Variants in RHOV observed in about 807,000 individuals in gnomAD.
RHOV encodes rho-related GTP-binding protein RhoV.
RHOV carries 6 observed loss-of-function variants against 20.2 expected under a neutral mutation model. That is an observed-to-expected ratio of 0.30 (90% CI 0.16 to 0.59). RHOV has a LOEUF of 0.59. RHOV is among the 20% of genes least tolerant of loss of function. RHOV has a pLI of 0.89. For missense variants in RHOV, 275 were observed against 319.4 expected, an observed-to-expected ratio of 0.86 and a Z score of 1.06; for synonymous variants, 136 against 142.3, an observed-to-expected ratio of 0.96 and a Z score of 0.31.
chr15:40,872,529 G>C lies in RHOV; in HGVS notation c.*529C>G, dbSNP rs538952741. On this transcript the variant is annotated 3_prime_UTR_variant, in exon 3 of 3. Transcript: ENST00000220507. ...CCCACTTCCCTCTCTCCTCCTCCTC[G>C]TCATCTTCTTTCCAGGCCTTATCCA... 3 of 153,570 alleles carry C rather than the reference G, an allele frequency of 2.0e-5. No individual in the cohort carries two copies. The highest frequency in any genetic ancestry group is 1.9e-4 in the East Asian group (1 of 5,230). 9.5% of individuals were successfully genotyped at this position (153,570 alleles called of 1,614,324 possible).
rs779073916 is a variant in RHOV, at chr15:40,873,728, C to T, written c.223G>A (p.Asp75Asn). The T allele has an allele frequency of 2.5e-6, 4 of 1,613,786 alleles. No individual in the cohort carries two copies. Among genetic ancestry groups the T allele is most frequent in the Non-Finnish European group, 3.4e-6 (4 of 1,180,024 alleles). ...LDTFSVQVLV[D>N]GAPVRIELWD... ...AGCTCAATGCGCACCGGAGCTCCAT[C>T]CACCAGGACTTGCACTGCAGGGGCG... Residue 75 changes from aspartate to asparagine, a missense_variant, in exon 2 of 3, where the codon GAT (aspartate) becomes AAT (asparagine). By Grantham distance (23) the Asp-to-Asn change is conservative. Coordinates refer to ENST00000220507, the MANE Select transcript of RHOV (RefSeq NM_133639.4).
In RHOV at chr15:40,873,682, A is replaced by T; in HGVS notation, c.267+2T>A. 6.2e-7 allele frequency: 1 copy of T among 1,613,840 alleles called. No homozygotes were observed. Among genetic ancestry groups the T allele is most frequent in the Non-Finnish European group, 8.5e-7 (1 of 1,179,926 alleles). On this transcript the variant is annotated splice_donor_variant, in intron 2 of 2. Coordinates refer to ENST00000220507, the MANE Select transcript of RHOV (RefSeq NM_133639.4). LOFTEE classifies it high-confidence loss of function. ...CAGTAGAGGCCGCGCCCAGCTTCTC[A>T]CCTGTCCCGCTGTGTCCCAGAGCTC...
At chr15:40,873,550 A>G in intron 2 of RHOV, 49 bp from the exon 3 acceptor site, 8 of 1,591,198 alleles carry the variant, frequency 5.0e-6, no homozygotes, top group Non-Finnish European at 6.0e-6. Context: ...GACACATGGA[A>G]TCCATTTCTC....
At position 40,874,161 on chromosome 15, in the gene RHOV, A is replaced by T. The variant is rs2142027606; in HGVS notation, c.-22T>A. ...GCATGGCCCGCTCCGGGGGCAGCAG[A>T]GGGGCCAGCCCGGGTCTCGGCTTCG... On this transcript the variant is annotated 5_prime_UTR_variant, in exon 1 of 3. Coordinates refer to ENST00000220507, the MANE Select transcript of RHOV (RefSeq NM_133639.4). 1 of 1,175,894 alleles carries T rather than the reference A, an allele frequency of 8.5e-7. No homozygotes were observed. The highest frequency in any genetic ancestry group is 2.3e-5 in the South Asian group (1 of 43,840). The allele number at this position is 1,175,894 out of a possible 1,614,324, so 72.8% of individuals were successfully genotyped here. A position where few individuals can be genotyped will look rare whatever the true frequency, so the allele number is the denominator to read the frequency against.
Position 40,872,917 on chromosome 15 carries a change from C to T in RHOV, c.*141G>A. The T allele has an allele frequency of 1.6e-6, 1 of 642,992 alleles. No homozygotes were observed. The highest frequency in any genetic ancestry group is 1.9e-5 in the South Asian group (1 of 53,648). The allele number at this position is 642,992 out of a possible 1,614,324, so 39.8% of individuals were successfully genotyped here. A position where few individuals can be genotyped will look rare whatever the true frequency, so the allele number is the denominator to read the frequency against. ...ATATCAGAGTGGGCAGTTAGAGGCC[C>T]ATGTCCCCCGAGTGTTCAGAAGGGA... On this transcript the variant is annotated 3_prime_UTR_variant, in exon 3 of 3. Coordinates refer to ENST00000220507, the MANE Select transcript of RHOV (RefSeq NM_133639.4).
At chr15:40,873,604 T>C (rs1891919099) in intron 2 of RHOV, 80 bp downstream of exon 2, 3 of 1,579,670 alleles carry the variant, frequency 1.9e-6, no homozygotes, top group Non-Finnish European at 2.6e-6. Flanking sequence ...CAAGGCTTTC[T>C]CCATTTGCTC....
In RHOV at chr15:40,873,230, G is replaced by T. The variant is rs1891911174; in HGVS notation, c.539C>A (p.Ala180Asp). The T allele has an allele frequency of 6.2e-7, 1 of 1,614,242 alleles. No individual in the cohort carries two copies. Among genetic ancestry groups the T allele is most frequent in the African/African-American group, 1.3e-5 (1 of 75,064 alleles). Residue 180 changes from alanine (A) to aspartate (D), a missense_variant, in exon 3 of 3, where the codon GCC becomes GAC. By Grantham distance (126) the Ala-to-Asp change is moderately radical (BLOSUM62 -2). Transcript: ENST00000220507. ...GGCTGAGCACTCAAGGTAGCAGCAG[G>T]CTCGGATCTTCTCGGCCAGACCCTG... ...QAQGLAEKIR[A>D]CCYLECSALT... is the part of the protein sequence containing the mutation.
At position 40,874,022 on chromosome 15, in the gene RHOV, C is replaced by T. The variant is rs1466395608; in HGVS notation, c.118G>A (p.Gly40Ser). 3 of 1,602,118 alleles carry T rather than the reference C, an allele frequency of 1.9e-6. No individual in the cohort carries two copies. Among genetic ancestry groups the T allele is most frequent in the East Asian group, 2.3e-5 (1 of 43,792 alleles). ...ATGAGGCTGCTCTTGCCCACGGCGC[C>T]GTCGCCCACCAGCACGCACTTGATG... The part of the protein sequence containing the change: ...LGIKCVLVGD[G>S]AVGKSSLIVS... Residue 40 changes from glycine (G) to serine (S), a missense_variant, in exon 1 of 3, where the codon GGC (glycine) becomes AGC (serine). Gly to Ser is a moderately conservative substitution (Grantham distance 56, BLOSUM62 0). Coordinates refer to ENST00000220507, the MANE Select transcript of RHOV (RefSeq NM_133639.4).
chr15:40,873,577 C>T (rs1011547156), intron 2 of RHOV, 76 bp from the exon 3 acceptor site: 1 of 1,587,364 alleles, frequency 6.3e-7, no homozygotes, highest in Non-Finnish European at 8.6e-7. Context: ...GGCTGGAAAC[C>T]TGAGACTCCA....
At chr15:40,873,523 G>A (rs1232999310) in intron 2 of RHOV, 22 bp from the exon 3 acceptor site, 3 of 1,593,086 alleles carry the variant, frequency 1.9e-6, no homozygotes, top group Non-Finnish European at 2.6e-6. Flanking sequence ...AGGCCAGGTG[G>A]TAAGGATTAG....
rs1050357314 is a variant in RHOV at position 40,873,108 on chromosome 15, C to T, written c.661G>A (p.Val221Met). 3 of 1,614,272 alleles carry T rather than the reference C, an allele frequency of 1.9e-6. No individual in the cohort carries two copies. The South Asian group carries it at 3.3e-5, about 18-fold the overall frequency. ...CAGCGGCAGCGGGAGAGGGTGCGCA[C>T]ACCTTTGGCATTCAGTTTCTTCTCC... ...RLEKKLNAKG[V>M]RTLSRCRWKK... The change falls in exon 3 of 3, where the codon GTG (valine) becomes ATG (methionine). Residue 221 changes from valine (V) to methionine (M), a missense_variant. By Grantham distance (21) the Val-to-Met change is conservative (BLOSUM62 1). Transcript: ENST00000220507.
At position 40,872,854 on chromosome 15, in the gene RHOV, A is replaced by G; in HGVS notation, c.*204T>C. 1.8e-6 allele frequency: 1 copy of G among 550,332 alleles called. No homozygotes were observed. The highest frequency in any genetic ancestry group is 3.2e-6 in the Non-Finnish European group (1 of 311,756). The allele number at this position is 550,332 out of a possible 1,614,324, so 34.1% of individuals were successfully genotyped here. On this transcript the variant is annotated 3_prime_UTR_variant, in exon 3 of 3. Transcript: ENST00000220507. ...TTTTCTGTGAGCTTTGACTGGAGAA[A>G]TCCAAATCAGAGCCTTCCCTCCTAG...
intron 1 of RHOV, 94 bp downstream of exon 1, chr15:40,873,838 C>T (rs1396738646): frequency 1.3e-6 from 2 of 1,529,808 alleles, no homozygotes; most frequent in East Asian, 2.3e-5. Context: ...TCCCCGGGGT[C>T]CTCTGCGCCC....
chr15:40,873,702 G>C lies in RHOV; in HGVS notation c.249C>G (p.Leu83=), dbSNP rs1891920780. 6.2e-7 allele frequency: 1 copy of C among 1,613,876 alleles called. No individual in the cohort carries two copies. Among genetic ancestry groups the C allele is most frequent in the African/African-American group, 1.3e-5 (1 of 74,934 alleles). The part of the protein sequence containing the change: ...LVDGAPVRIE[L]WDTAGQEDFD... ...TTCTCACCTGTCCCGCTGTGTCCCA[G>C]AGCTCAATGCGCACCGGAGCTCCAT... is the stretch of plus-strand genomic sequence containing the variant. Residue 83 remains leucine (L), a synonymous_variant, in exon 2 of 3, where the codon CTC becomes CTG. Transcript: ENST00000220507.
Position 40,873,125 on chromosome 15 carries a change from T to C in RHOV, c.644A>G (p.Lys215Arg). ...GGTGCGCACACCTTTGGCATTCAGT[T>C]TCTTCTCCAGCCGGGCTTTGTGCTC... Reference protein sequence around the residue: ...AIEHKARLEKKLNAKGVRTLS... With the variant: ...AIEHKARLEKRLNAKGVRTLS... The change falls in exon 3 of 3, where the codon AAA becomes AGA. Residue 215 changes from lysine (K) to arginine (R), a missense_variant. Physicochemically the swap from Lys to Arg is conservative, Grantham distance 26. Coordinates refer to ENST00000220507, the MANE Select transcript of RHOV (RefSeq NM_133639.4). 1 of 1,614,250 alleles carries C rather than the reference T, an allele frequency of 6.2e-7. No homozygotes were observed. Among genetic ancestry groups the C allele is most frequent in the Non-Finnish European group, 8.5e-7 (1 of 1,180,048 alleles).
At position 40,873,625 on chromosome 15, in the gene RHOV, C is replaced by T. The variant is rs1313328461; in HGVS notation, c.267+59G>A. On this transcript the variant is annotated intron_variant, in intron 2 of 2. Coordinates refer to ENST00000220507, the MANE Select transcript of RHOV (RefSeq NM_133639.4). ...TTTCTCCATTTGCTCCATATGGGGT[C>T]CTCCCAGCCTCCAGCCCATCTCCCC... is the stretch of plus-strand genomic sequence containing the variant. The T allele has an allele frequency of 4.3e-5, 68 of 1,591,826 alleles. 1 individual carries two copies. Among genetic ancestry groups the T allele is most frequent in the Admixed American group, 2.2e-4 (13 of 59,992 alleles).
rs1891910457 is a variant in RHOV, at chr15:40,873,197, T to G, written c.572A>C (p.Gln191Pro). 6.2e-6 allele frequency: 10 copies of G among 1,614,142 alleles called. No individual in the cohort carries two copies. The highest frequency in any genetic ancestry group is 8.5e-6 in the Non-Finnish European group (10 of 1,180,056). Residue 191 changes from glutamine to proline, a missense_variant, in exon 3 of 3, where the codon CAG (glutamine) becomes CCG (proline). By Grantham distance (76) the Gln-to-Pro change is moderately conservative (BLOSUM62 -1). Coordinates refer to ENST00000220507, the MANE Select transcript of RHOV (RefSeq NM_133639.4). ...GTCAAATACTTCCTTCAAGTTCTTC[T>G]GCGTCAAGGCTGAGCACTCAAGGTA... ...CCYLECSALT[Q>P]KNLKEVFDSA...
chr15:40,872,837 G>A lies in RHOV; in HGVS notation c.*221C>T, dbSNP rs892544784. On this transcript the variant is annotated 3_prime_UTR_variant, in exon 3 of 3. Coordinates refer to ENST00000220507, the MANE Select transcript of RHOV (RefSeq NM_133639.4). The stretch of plus-strand genomic sequence containing the variant: ...ATCAAAGTGCCAGGTTTTTTTCTGT[G>A]AGCTTTGACTGGAGAAATCCAAATC... The A allele has an allele frequency of 3.2e-5, 17 of 529,860 alleles. No individual in the cohort carries two copies. Among genetic ancestry groups the A allele is most frequent in the Admixed American group, 2.5e-4 (7 of 28,108 alleles). 32.8% of individuals were successfully genotyped at this position (529,860 alleles called of 1,614,324 possible).
Position 40,874,136 on chromosome 15 carries a change from G to T in RHOV, c.4C>A (p.Pro2Thr). 3 of 1,320,766 alleles carry T rather than the reference G, an allele frequency of 2.3e-6. No homozygotes were observed. The highest frequency in any genetic ancestry group is 2.9e-6 in the Non-Finnish European group (3 of 1,035,082). 81.8% of individuals were successfully genotyped at this position (1,320,766 alleles called of 1,614,324 possible). A position where few individuals can be genotyped will look rare whatever the true frequency, so the allele number is the denominator to read the frequency against. ...TCGGCCTCGCTCAGCTCCCGCGGCG[G>T]CATGGCCCGCTCCGGGGGCAGCAGA... is the stretch of plus-strand genomic sequence containing the variant. M[P>T]PRELSEAEPP... The change falls in exon 1 of 3, where the codon CCG becomes ACG. Residue 2 changes from proline (P) to threonine (T), a missense_variant. Pro to Thr is a conservative substitution (Grantham distance 38). Transcript: ENST00000220507.
Sources: allele counts gnomAD v4.1 joint callset, GRCh38; gene constraint gnomAD v4.1.1; transcripts MANE v1.5; gene names NCBI Gene and HGNC (gene_info 2026-07-23, HGNC 2026-07-21).